Variants in CNTNAP2 observed in about 807,000 individuals in gnomAD.
CNTNAP2 encodes contactin-associated protein-like 2.
CNTNAP2 carries 98 observed loss-of-function variants against 155.2 expected under a neutral mutation model. The observed-to-expected ratio is 0.63, with a 90% CI of 0.54 to 0.75. The LOEUF is 0.75. CNTNAP2 is among the 30% of genes least tolerant of loss of function. The pLI is 0.00. For synonymous variants in CNTNAP2, 651 were observed against 631.2 expected, an observed-to-expected ratio of 1.03 and a Z score of -0.47; for missense variants, 1,727 against 1,688.1, an observed-to-expected ratio of 1.02 and a Z score of -0.40.
In CNTNAP2 at chr7:147,660,570, C is replaced by T. The variant is rs74810676; in HGVS notation, c.2098+21264C>T. Among the ~76,000 whole-genome samples the T allele has an allele frequency of 1.2e-3, 184 of 152,248 alleles. 3 individuals are homozygous for T. The East Asian group carries it at 0.026, about 21-fold the overall frequency. ...TTAAGTCTAGTGACATCACCTCGTG[C>T]GTATGGTTTTGCATTTAGTACCCTT... On this transcript the variant is annotated intron_variant, in intron 13 of 23. Coordinates refer to ENST00000361727, the MANE Select transcript of CNTNAP2 (RefSeq NM_014141.6).
intron 1 of CNTNAP2, among the ~76,000 whole-genome samples, chr7:146,172,424 T>G (rs377121235): frequency 4.7e-4 from 72 of 152,270 alleles, no homozygotes; most frequent in African/African-American, 1.7e-3. Context: ...GAAATTCTTA[T>G]TGAAACATAC....
At chr7:147,553,067 C>T (rs75813472) in intron 11 of CNTNAP2, among the ~76,000 whole-genome samples, 1,624 of 152,228 alleles carry the variant, frequency 0.011, 35 homozygotes, top group African/African-American at 0.036. Flanking sequence ...AGAATGAGAA[C>T]GTAGTGAAAG....
At chr7:146,785,297 G>C (rs1481133692) in intron 2 of CNTNAP2, among the ~76,000 whole-genome samples, 1 of 152,112 alleles carries the variant, frequency 6.6e-6, no homozygotes, top group Admixed American at 6.5e-5. Context: ...TATTCATAGA[G>C]AGTCTTTAGT....
chr7:147,808,313 T>A (rs59265100), intron 13 of CNTNAP2, among the ~76,000 whole-genome samples: 1 of 152,136 alleles, frequency 6.6e-6, no homozygotes, highest in Non-Finnish European at 1.5e-5. Flanking sequence ...ATTATAATGA[T>A]CAAAGAAAGT....
intron 22 of CNTNAP2, among the ~76,000 whole-genome samples, chr7:148,393,899 ATAAT>A (rs1214871131): frequency 6.6e-6 from 1 of 151,802 alleles, no homozygotes; most frequent in Non-Finnish European, 1.5e-5. Flanking sequence ...CTTTGCTCCA[ATAAT>A]TATTTATATC....
chr7:146,816,056 C>A (rs1354683868), intron 2 of CNTNAP2, among the ~76,000 whole-genome samples: 1 of 152,118 alleles, frequency 6.6e-6, no homozygotes, highest in Non-Finnish European at 1.5e-5. Context: ...ATGATAGTTG[C>A]CAGCTTCATC....
intron 12 of CNTNAP2, among the ~76,000 whole-genome samples, chr7:147,598,979 T>C (rs2116856431): frequency 6.6e-6 from 1 of 152,280 alleles, no homozygotes; most frequent in East Asian, 1.9e-4. Context: ...GTGAGTCAGT[T>C]AAACCTCTTT....
chr7:147,711,741 T>C (rs555906985), intron 13 of CNTNAP2, among the ~76,000 whole-genome samples: 1 of 152,190 alleles, frequency 6.6e-6, no homozygotes, highest in African/African-American at 2.4e-5. Context: ...ACAGGATGTC[T>C]ATTATTAAGA....
chr7:146,491,776 T>C (rs1252034735), intron 1 of CNTNAP2, among the ~76,000 whole-genome samples: 1 of 152,218 alleles, frequency 6.6e-6, no homozygotes, highest in Non-Finnish European at 1.5e-5. Context: ...GATTTTTGAT[T>C]TTGAATTAGA....
chr7:147,012,078 A>C (rs1798637951), intron 3 of CNTNAP2, among the ~76,000 whole-genome samples: 1 of 152,172 alleles, frequency 6.6e-6, no homozygotes, highest in South Asian at 2.1e-4. Flanking sequence ...ACCATAATGA[A>C]ATATATTTGT....
rs1420859395 is a variant in CNTNAP2, at chr7:148,075,341, GCAAGAGAATCGCTTGAA to G, written c.2384-42775_2384-42759del. ...AATCCCAGCTCCTCAGATGGCTGAG[GCAAGAGAATCGCTTGAA>G]CCCGGGAGACAGAGATTGCAGTGAG... On this transcript the variant is annotated intron_variant, in intron 15 of 23. Coordinates refer to ENST00000361727, the MANE Select transcript of CNTNAP2 (RefSeq NM_014141.6). Among the ~76,000 whole-genome samples, 3 of 152,168 alleles carry G rather than the reference GCAAGAGAATCGCTTGAA, an allele frequency of 2.0e-5. No individual in the cohort carries two copies. The East Asian group carries it at 5.8e-4, about 30-fold the overall frequency.
At chr7:147,024,434 T>G (rs186766748) in intron 3 of CNTNAP2, among the ~76,000 whole-genome samples, 1 of 152,174 alleles carries the variant, frequency 6.6e-6, no homozygotes, top group East Asian at 1.9e-4. Context: ...CCGTATCGTG[T>G]AGAATGTTAT....
At chr7:148,194,288 C>T (rs1039145060) in intron 18 of CNTNAP2, among the ~76,000 whole-genome samples, 2 of 151,984 alleles carry the variant, frequency 1.3e-5, no homozygotes, top group African/African-American at 4.8e-5. Flanking sequence ...TGACCCAACA[C>T]TCCTGGCCTC....
rs527526812 is a variant in CNTNAP2 at position 147,170,701 on chromosome 7, G to A, written c.1348+38192G>A. Among the ~76,000 whole-genome samples, 7 of 152,256 alleles carry A rather than the reference G, an allele frequency of 4.6e-5. 1 individual carries two copies. The East Asian group carries it at 1.4e-3, about 29-fold the overall frequency. On this transcript the variant is annotated intron_variant, in intron 8 of 23. Transcript: ENST00000361727. ...CGGCTCCCTCCTCTGGACTGGGTTGGGTTGGGTTCTGGGTGTGCTGGGGAT... is the reference window on the plus strand; with the variant it reads ...CGGCTCCCTCCTCTGGACTGGGTTGAGTTGGGTTCTGGGTGTGCTGGGGAT...
rs1796661649 is a variant in CNTNAP2, at chr7:147,727,306, C to T, written c.2098+88000C>T. 2.0e-5 allele frequency among the ~76,000 whole-genome samples: 3 copies of T among 151,900 alleles called. No individual in the cohort carries two copies. In the South Asian group the frequency reaches 6.2e-4, roughly 31 times the overall value. ...TTTAAATCAACAACCTGATACCTTTCTGAGAGTAGAATATGAGACCTAGTT... is the reference window on the plus strand; with the variant it reads ...TTTAAATCAACAACCTGATACCTTTTTGAGAGTAGAATATGAGACCTAGTT... On this transcript the variant is annotated intron_variant, in intron 13 of 23. Coordinates refer to ENST00000361727, the MANE Select transcript of CNTNAP2 (RefSeq NM_014141.6).
chr7:147,098,453 G>A (rs1196856633), intron 4 of CNTNAP2, among the ~76,000 whole-genome samples: 1 of 152,006 alleles, frequency 6.6e-6, no homozygotes, highest in Non-Finnish European at 1.5e-5. Context: ...TTTTTTGTTT[G>A]TTTTTTAACT....
chr7:147,334,799 G>A (rs1167462165), intron 9 of CNTNAP2, among the ~76,000 whole-genome samples: 3 of 152,126 alleles, frequency 2.0e-5, no homozygotes, highest in African/African-American at 7.2e-5. Flanking sequence ...TGAAAACGAG[G>A]GAAGGGCTAG....
intron 9 of CNTNAP2, among the ~76,000 whole-genome samples, chr7:147,370,131 CTG>C (rs1796316457): frequency 1.4e-5 from 2 of 144,432 alleles, no homozygotes; most frequent in African/African-American, 2.5e-5. Flanking sequence ...TGTGCATACT[CTG>C]TGTGCATGAG....
chr7:148,171,333 T>C lies in CNTNAP2; in HGVS notation c.2774-909T>C, dbSNP rs564164734. ...TTTCTTTCAACAGTTTTACCTACTA[T>C]TCATTTTAGATTAGTTTCCAGAAAA... On this transcript the variant is annotated intron_variant, in intron 17 of 23. Transcript: ENST00000361727. 4.6e-5 allele frequency among the ~76,000 whole-genome samples: 7 copies of C among 152,340 alleles called. No individual in the cohort carries two copies. In the East Asian group the frequency reaches 1.3e-3, roughly 29 times the overall value.
Sources: gnomAD v4.1 joint callset for allele counts (sites outside exome capture counted in the v4.1 genomes callset) on GRCh38, gnomAD v4.1.1 for gene constraint, MANE v1.5 for transcripts, NCBI Gene and HGNC (gene_info 2026-07-23, HGNC 2026-07-21) for gene names.